HECW1: variants seen among roughly 807,000 people sequenced by gnomAD.
The protein encoded by HECW1 is E3 ubiquitin-protein ligase HECW1.
A neutral mutation model predicts 182.3 loss-of-function variants in HECW1; 61 were observed. That is an observed-to-expected ratio of 0.33 (90% CI 0.27 to 0.41). The LOEUF is 0.41. HECW1 is among the 10% of genes least tolerant of loss of function. HECW1 has a pLI of 1.00. For missense variants in HECW1, 1,739 were observed against 2,108.9 expected, an observed-to-expected ratio of 0.82 and a Z score of 3.44; for synonymous variants, 859 against 832.6, an observed-to-expected ratio of 1.03 and a Z score of -0.55.
chr7:43,473,773 G>T (rs888284936), intron 16 of HECW1, among the ~76,000 whole-genome samples: 1 of 152,108 alleles, frequency 6.6e-6, no homozygotes, highest in Non-Finnish European at 1.5e-5. Flanking sequence ...GCAACTGTTT[G>T]TACCATTTAA....
At chr7:43,285,817 TAAAG>T (rs1044617180) in intron 3 of HECW1, among the ~76,000 whole-genome samples, 14 of 150,288 alleles carry the variant, frequency 9.3e-5, no homozygotes, top group Admixed American at 9.2e-4. Context: ...TAAAATAAAA[TAAAG>T]AAACTGAGTG....
chr7:43,267,609 A>T (rs58143947), intron 3 of HECW1, among the ~76,000 whole-genome samples: 23,403 of 151,900 alleles, frequency 0.15, 2,415 homozygotes, highest in South Asian at 0.26. Flanking sequence ...AGAAATTAAT[A>T]AACTATAAAC....
chr7:43,355,398 A>ATG (rs1562877974), intron 5 of HECW1, among the ~76,000 whole-genome samples: 1 of 152,226 alleles, frequency 6.6e-6, no homozygotes, highest in Non-Finnish European at 1.5e-5. Context: ...GATAAGTAAT[A>ATG]TAAAAATATG....
intron 2 of HECW1, among the ~76,000 whole-genome samples, chr7:43,158,877 C>T (rs75376470): frequency 3.9e-5 from 6 of 152,158 alleles, no homozygotes; most frequent in Admixed American, 2.0e-4. Flanking sequence ...GACTTATGCA[C>T]CAAGAGAGAG....
chr7:43,405,969 G>C (rs1050384230), intron 7 of HECW1, among the ~76,000 whole-genome samples: 6 of 152,192 alleles, frequency 3.9e-5, no homozygotes, highest in Non-Finnish European at 8.8e-5. Flanking sequence ...TGAATCTGCT[G>C]TGTTGACTTC....
At chr7:43,143,570 G>C (rs1006481826) in intron 2 of HECW1, among the ~76,000 whole-genome samples, 1 of 152,164 alleles carries the variant, frequency 6.6e-6, no homozygotes, top group Non-Finnish European at 1.5e-5. Flanking sequence ...ACAGGTGTGA[G>C]CCATGGTGCC....
intron 5 of HECW1, among the ~76,000 whole-genome samples, chr7:43,347,304 T>G (rs866871616): frequency 3.3e-5 from 5 of 152,208 alleles, no homozygotes; most frequent in Admixed American, 6.5e-5. Flanking sequence ...GGGGTTGAGT[T>G]CTTGATTTGA....
intron 2 of HECW1, among the ~76,000 whole-genome samples, chr7:43,204,395 A>AT (rs1424042615): frequency 1.3e-5 from 2 of 152,198 alleles, no homozygotes; most frequent in Non-Finnish European, 2.9e-5. Context: ...CCAGCACTGT[A>AT]TTTTTTGCAA....
intron 4 of HECW1, among the ~76,000 whole-genome samples, chr7:43,317,622 C>T (rs572339011): frequency 1.2e-4 from 18 of 152,268 alleles, no homozygotes; most frequent in African/African-American, 3.9e-4. Context: ...TAACAAATGC[C>T]TTTGGGGAAG....
chr7:43,339,621 C>T (rs988177989), intron 5 of HECW1, among the ~76,000 whole-genome samples: 1 of 152,152 alleles, frequency 6.6e-6, no homozygotes, highest in African/African-American at 2.4e-5. Context: ...TGTCAATTGC[C>T]ATACATTGGG....
chr7:43,425,264 G>C (rs1367423089), intron 8 of HECW1, among the ~76,000 whole-genome samples: 1 of 150,666 alleles, frequency 6.6e-6, no homozygotes, highest in East Asian at 1.9e-4. Context: ...CATATATGCA[G>C]ATGTACACAT....
chr7:43,127,450 G>A (rs1786379617), intron 2 of HECW1, among the ~76,000 whole-genome samples: 1 of 144,606 alleles, frequency 6.9e-6, no homozygotes, highest in East Asian at 2.1e-4. Context: ...TTGAACCTGG[G>A]AGGCAGAGGT....
intron 6 of HECW1, among the ~76,000 whole-genome samples, chr7:43,366,706 T>C (rs1006635906): frequency 2.6e-5 from 4 of 152,216 alleles, no homozygotes; most frequent in Non-Finnish European, 5.9e-5. Context: ...ATCTTCAATA[T>C]TGGGGTGAAG....
intron 2 of HECW1, among the ~76,000 whole-genome samples, chr7:43,154,076 T>C (rs1789632308): frequency 6.6e-6 from 1 of 152,230 alleles, no homozygotes; most frequent in South Asian, 2.1e-4. Flanking sequence ...AAATAATGAA[T>C]GACTGCCTCC....
At chr7:43,205,409 T>C (rs1795374855) in intron 2 of HECW1, among the ~76,000 whole-genome samples, 1 of 152,170 alleles carries the variant, frequency 6.6e-6, no homozygotes, top group South Asian at 2.1e-4. Context: ...GGGGCTGGAA[T>C]TGTCATCCTA....
At chr7:43,272,314 A>C (rs1290484734) in intron 3 of HECW1, among the ~76,000 whole-genome samples, 1 of 152,310 alleles carries the variant, frequency 6.6e-6, no homozygotes, top group South Asian at 2.1e-4. Context: ...AATTGCAACA[A>C]AAACAAAAGT....
intron 2 of HECW1, chr7:43,118,244 T>A (rs1234890978): frequency 6.6e-6 from 1 of 152,618 alleles, no homozygotes; most frequent in East Asian, 1.9e-4. Context: ...AAAAAAAAGA[T>A]CAAAATTCAC....
At chr7:43,433,699 G>A (rs1318481927) in intron 8 of HECW1, among the ~76,000 whole-genome samples, 4 of 152,210 alleles carry the variant, frequency 2.6e-5, no homozygotes, top group Non-Finnish European at 4.4e-5. Context: ...AGCCAAGAAA[G>A]AGAATTCAGA....
At chr7:43,463,588 T>C in intron 13 of HECW1, 72 bp from the exon 14 acceptor site, 1 of 1,398,164 alleles carries the variant, frequency 7.2e-7, no homozygotes, top group South Asian at 1.3e-5. Flanking sequence ...TCTCCAATTA[T>C]CTGATTCAGA....
Sources: gnomAD v4.1 joint callset for allele counts (sites outside exome capture counted in the v4.1 genomes callset) on GRCh38, gnomAD v4.1.1 for gene constraint, MANE v1.5 for transcripts, NCBI Gene and HGNC (gene_info 2026-07-23, HGNC 2026-07-21) for gene names.